The following SPATC1L variants were observed in gnomAD, a reference collection of about 807,000 sequenced individuals.
SPATC1L encodes the protein spermatogenesis and centriole associated 1 like.
SPATC1L carries 20 observed loss-of-function variants against 21.2 expected under a neutral mutation model. That is an observed-to-expected ratio of 0.94 (90% CI 0.66 to 1.37). The LOEUF is 1.37. Among genes scored for constraint, SPATC1L ranks in the 40% most tolerant of loss-of-function variants. The pLI, the probability that SPATC1L is intolerant of heterozygous loss-of-function variation, is 0.00. For synonymous variants in SPATC1L, 290 were observed against 234.5 expected (o/e 1.24, Z -2.16); for missense variants, 499 against 478.7 (o/e 1.04, Z -0.40).
At chr21:46,162,184 AC>A in intron 3 of SPATC1L, 117 bp from the exon 4 acceptor site, 9 of 1,167,882 alleles carry the variant, frequency 7.7e-6, no homozygotes, top group African/African-American at 1.6e-5. Context: ...ACCTGCCGCC[AC>A]CCCCCACTGT....
chr21:46,161,912 G>C lies in SPATC1L; in HGVS notation c.696+4C>G. ...CCTGGCCGCGCCCTCCCCACGGGGC[G>C]CACCTGCTCGATCTTCTCGGGGATG... On this transcript the variant is annotated splice_donor_region_variant and intron_variant, in intron 4 of 4. Coordinates refer to ENST00000291672, the MANE Select transcript of SPATC1L (RefSeq NM_001142854.2). 2 of 1,604,968 alleles carry C rather than the reference G, an allele frequency of 1.2e-6. No homozygotes were observed. Among genetic ancestry groups the C allele is most frequent in the Non-Finnish European group, 1.7e-6 (2 of 1,179,120 alleles).
intron 2 of SPATC1L, among the ~76,000 whole-genome samples, chr21:46,181,914 G>T (rs141110612): frequency 6.6e-6 from 1 of 152,230 alleles, no homozygotes; most frequent in Non-Finnish European, 1.5e-5. Context: ...ATGCAGGAAC[G>T]GGTAATGTTT....
At chr21:46,182,212 G>A (rs184978410) in intron 2 of SPATC1L, among the ~76,000 whole-genome samples, 238 of 152,304 alleles carry the variant, frequency 1.6e-3, no homozygotes, top group African/African-American at 4.1e-3. Flanking sequence ...TGGGACTCGT[G>A]TGGCTGGTCT....
At chr21:46,169,905 C>T (rs2079571797) in intron 2 of SPATC1L, among the ~76,000 whole-genome samples, 1 of 1,358 alleles carries the variant, frequency 7.4e-4, no homozygotes. Flanking sequence ...AGCCCCTGCT[C>T]TGTGAGCATC....
chr21:46,172,023 G>A (rs1191531316), intron 2 of SPATC1L, among the ~76,000 whole-genome samples: 3 of 95,946 alleles, frequency 3.1e-5, no homozygotes, highest in East Asian at 7.5e-4. Flanking sequence ...AGAACACACA[G>A]CACGAGGCAG....
intron 2 of SPATC1L, among the ~76,000 whole-genome samples, chr21:46,181,030 C>G (rs929995734): frequency 2.6e-5 from 4 of 152,346 alleles, no homozygotes; most frequent in East Asian, 1.9e-4. Context: ...CCCTCTCCTG[C>G]CAGGGGAGGC....
chr21:46,161,670 C>G lies in SPATC1L; in HGVS notation c.732G>C (p.Glu244Asp), dbSNP rs2079493369. ...GCTGCGTCAGCTCGCGCAGCTTCCT[C>G]TCGTCCACGGAGCCGTCCAGAGACT... ...STKSLDGSVDERKLRELTQRY... is the reference protein window; with the variant it reads ...STKSLDGSVDDRKLRELTQRY... The change falls in exon 5 of 5, where the codon GAG (glutamate) becomes GAC (aspartate). Residue 244 changes from glutamate to aspartate, a missense_variant. By Grantham distance (45) the Glu-to-Asp change is conservative (BLOSUM62 2). Transcript: ENST00000291672. 1 of 1,607,068 alleles carries G rather than the reference C, an allele frequency of 6.2e-7. No homozygotes were observed. Among genetic ancestry groups the G allele is most frequent in the Non-Finnish European group, 8.5e-7 (1 of 1,177,564 alleles).
chr21:46,166,806 G>C (rs1334238322), intron 3 of SPATC1L, among the ~76,000 whole-genome samples: 7 of 152,176 alleles, frequency 4.6e-5, no homozygotes, highest in Non-Finnish European at 8.8e-5. Context: ...TAAATCGAGA[G>C]ACAGACCCCA....
intron 2 of SPATC1L, among the ~76,000 whole-genome samples, chr21:46,170,716 C>T (rs2079581250): frequency 7.3e-6 from 1 of 136,946 alleles, no homozygotes; most frequent in Non-Finnish European, 1.6e-5. Context: ...TGGGGAGGAG[C>T]CTCCTGCTCT....
At chr21:46,179,627 T>C (rs1490328916) in intron 2 of SPATC1L, among the ~76,000 whole-genome samples, 2 of 151,400 alleles carry the variant, frequency 1.3e-5, no homozygotes, top group African/African-American at 4.9e-5. Context: ...TGACCAGGAG[T>C]TGCACATAGA....
intron 2 of SPATC1L, among the ~76,000 whole-genome samples, chr21:46,173,742 G>GC (rs1315858638): frequency 6.6e-6 from 1 of 152,038 alleles, no homozygotes; most frequent in Non-Finnish European, 1.5e-5. Flanking sequence ...TCCAACAGGA[G>GC]CCCCCCATCC....
At chr21:46,179,453 C>T (rs1446993130) in intron 2 of SPATC1L, among the ~76,000 whole-genome samples, 1 of 151,168 alleles carries the variant, frequency 6.6e-6, no homozygotes, top group African/African-American at 2.4e-5. Context: ...TTCTTAAAAC[C>T]TTTTTTGTGG....
chr21:46,169,368 T>G (rs1416979849), intron 2 of SPATC1L, among the ~76,000 whole-genome samples: 1 of 118,002 alleles, frequency 8.5e-6, no homozygotes, highest in Non-Finnish European at 1.8e-5. Flanking sequence ...CCCTGCTCTG[T>G]GAGCATCCTC....
intron 2 of SPATC1L, among the ~76,000 whole-genome samples, chr21:46,174,332 C>CAAAAAA (rs66721282): frequency 2.0e-4 from 7 of 34,234 alleles, no homozygotes; most frequent in African/African-American, 4.7e-4. Flanking sequence ...GACTCTGTCT[C>CAAAAAA]AAAAAACAAA....
At chr21:46,164,794 G>GA (rs72042671) in intron 3 of SPATC1L, among the ~76,000 whole-genome samples, 22,308 of 86,372 alleles carry the variant, frequency 0.26, 2,402 homozygotes, top group African/African-American at 0.35. Context: ...TCCATCTCAA[G>GA]AAAAAAAAAA....
chr21:46,163,160 G>A (rs2079515441), intron 3 of SPATC1L, among the ~76,000 whole-genome samples: 2 of 152,154 alleles, frequency 1.3e-5, no homozygotes, highest in African/African-American at 4.8e-5. Flanking sequence ...AGGTCCTGTA[G>A]TGATTTTTCA....
rs2079484091 is a variant in SPATC1L at position 46,161,303 on chromosome 21, G to A, written c.*76C>T. On this transcript the variant is annotated 3_prime_UTR_variant, in exon 5 of 5. Coordinates refer to ENST00000291672, the MANE Select transcript of SPATC1L (RefSeq NM_001142854.2). ...GACGCGGCCCTTTCCCCTCCGGGGG[G>A]ACGCGCAGGAGGCACCGCGGCCCCG... 3.0e-6 allele frequency: 4 copies of A among 1,349,456 alleles called. 1 individual carries two copies. Among genetic ancestry groups the A allele is most frequent in the East Asian group, 2.7e-5 (1 of 37,582 alleles). The allele number at this position is 1,349,456 out of a possible 1,614,324, so 83.6% of individuals were successfully genotyped here.
chr21:46,175,365 T>C (rs989892415), intron 2 of SPATC1L, among the ~76,000 whole-genome samples: 3 of 152,054 alleles, frequency 2.0e-5, no homozygotes, highest in African/African-American at 7.2e-5. Context: ...CATCAATGAA[T>C]CCAGGAGCTG....
chr21:46,174,849 A>G (rs1413971803), intron 2 of SPATC1L, among the ~76,000 whole-genome samples: 1 of 152,274 alleles, frequency 6.6e-6, no homozygotes, highest in East Asian at 1.9e-4. Context: ...CCAAAACAAT[A>G]GAATATACAT....
Sources: gnomAD v4.1 joint callset for allele counts (sites outside exome capture counted in the v4.1 genomes callset) on GRCh38, gnomAD v4.1.1 for gene constraint, MANE v1.5 for transcripts, NCBI Gene and HGNC (gene_info 2026-07-23, HGNC 2026-07-21) for gene names.